Variants in CDH12 observed in about 807,000 individuals in gnomAD.
CDH12 encodes cadherin 12, also known as cadherin-12.
Under a neutral mutation model 74.1 loss-of-function variants are expected in CDH12, and 41 were observed. The ratio of observed to expected loss-of-function variants is 0.55; its 90% CI spans 0.43 to 0.72. CDH12 has a LOEUF of 0.72. CDH12 is among the 30% of genes least tolerant of loss of function. CDH12 has a pLI of 0.00. For missense variants in CDH12, 945 were observed against 977.2 expected, an observed-to-expected ratio of 0.97 and a Z score of 0.44; for synonymous variants, 399 against 355.0, an observed-to-expected ratio of 1.12 and a Z score of -1.39.
intron 4 of CDH12, among the ~76,000 whole-genome samples, chr5:22,140,104 T>C (rs1472745402): frequency 6.6e-6 from 1 of 152,006 alleles, no homozygotes; most frequent in Admixed American, 6.6e-5. Flanking sequence ...AGAAATCCCA[T>C]GTTAGTATCA....
At chr5:22,551,530 A>G (rs1738569629) in intron 1 of CDH12, among the ~76,000 whole-genome samples, 1 of 152,188 alleles carries the variant, frequency 6.6e-6, no homozygotes, top group Non-Finnish European at 1.5e-5. Context: ...AGCTTTCAGT[A>G]TCTCTACAAA....
rs546803797 is a variant in CDH12 at position 22,551,043 on chromosome 5, C to T, written c.-522-45679G>A. On this transcript the variant is annotated intron_variant, in intron 1 of 14. Coordinates refer to ENST00000382254, the MANE Select transcript of CDH12 (RefSeq NM_004061.5). ...TTTTAGAGGTTTGACTTTCTCACCA[C>T]ACAGTACTAGTAATAATAGGATGAT... 2.0e-5 allele frequency among the ~76,000 whole-genome samples: 3 copies of T among 152,266 alleles called. 1 individual carries two copies. The South Asian group carries it at 6.2e-4, about 32-fold the overall frequency.
intron 3 of CDH12, among the ~76,000 whole-genome samples, chr5:22,223,659 C>T (rs1752091814): frequency 6.6e-6 from 1 of 151,868 alleles, no homozygotes; most frequent in Admixed American, 6.6e-5. Flanking sequence ...TAGGATTGGC[C>T]CACCTAAGCC....
In CDH12 at chr5:22,340,002, T is replaced by C. The variant is rs936694043; in HGVS notation, c.-333+65255A>G. ...ATATAAGTACATTTCTATTTTACTA[T>C]CTGTTCAATGGTTTCATTTTAAACA... On this transcript the variant is annotated intron_variant, in intron 3 of 14. Transcript: ENST00000382254. 7.6e-4 allele frequency among the ~76,000 whole-genome samples: 115 copies of C among 152,216 alleles called. 1 individual carries two copies. Among genetic ancestry groups the C allele is most frequent in the African/African-American group, 2.7e-3 (112 of 41,462 alleles).
rs542911420 is a variant in CDH12, at chr5:21,956,482, T to C, written c.526+18609A>G. Among the ~76,000 whole-genome samples the C allele has an allele frequency of 9.9e-5, 15 of 152,162 alleles. No homozygotes were observed. In the South Asian group the frequency reaches 2.9e-3, roughly 29 times the overall value. ...TTCTGGGGTAATCTTTAGACATCAG[T>C]TTTGTCTTTTATATTATTTATTCTG... On this transcript the variant is annotated intron_variant, in intron 6 of 14. Coordinates refer to ENST00000382254, the MANE Select transcript of CDH12 (RefSeq NM_004061.5).
chr5:21,966,172 T>C (rs1756575081), intron 6 of CDH12, among the ~76,000 whole-genome samples: 1 of 151,470 alleles, frequency 6.6e-6, no homozygotes. Context: ...TTTTTTTTTT[T>C]TTTCTTTTGG....
chr5:21,809,228 T>C (rs1747608473), intron 9 of CDH12, among the ~76,000 whole-genome samples: 1 of 152,092 alleles, frequency 6.6e-6, no homozygotes, highest in Admixed American at 6.6e-5. Context: ...ATTTTAGCGG[T>C]AATTTTTGGA....
chr5:22,579,713 A>C (rs1308251036), intron 1 of CDH12, among the ~76,000 whole-genome samples: 1 of 152,190 alleles, frequency 6.6e-6, no homozygotes, highest in East Asian at 1.9e-4. Flanking sequence ...TTAGAGCAGA[A>C]AATAAATTAT....
intron 2 of CDH12, among the ~76,000 whole-genome samples, chr5:22,480,102 C>A (rs79674910): frequency 0.048 from 7,283 of 152,182 alleles, 548 homozygotes; most frequent in African/African-American, 0.16. Context: ...AGAATTTTCT[C>A]ATATTTTTGT....
intron 4 of CDH12, among the ~76,000 whole-genome samples, chr5:22,208,483 C>T (rs1200203942): frequency 6.6e-6 from 1 of 152,218 alleles, no homozygotes; most frequent in East Asian, 1.9e-4. Flanking sequence ...CTACTGGCCT[C>T]ATTACTGCAG....
intron 1 of CDH12, among the ~76,000 whole-genome samples, chr5:22,525,646 A>G (rs1182831109): frequency 1.3e-5 from 2 of 152,042 alleles, no homozygotes; most frequent in South Asian, 4.1e-4. Context: ...CTCATTTCCA[A>G]TTTTTCTCTC....
rs553343059 is a variant in CDH12, at chr5:22,194,883, T to C, written c.-187+17615A>G. ...GTCTTGCCTGGCAGATGGCAGGAGG[T>C]CAGAGAGGGAAACACAAGACTTTTT... On this transcript the variant is annotated intron_variant, in intron 4 of 14. Transcript: ENST00000382254. 2.6e-5 allele frequency among the ~76,000 whole-genome samples: 4 copies of C among 152,050 alleles called. No individual in the cohort carries two copies. The East Asian group carries it at 7.7e-4, about 29-fold the overall frequency.
At chr5:21,884,658 C>G (rs1211034727) in intron 6 of CDH12, among the ~76,000 whole-genome samples, 1 of 152,050 alleles carries the variant, frequency 6.6e-6, no homozygotes. Context: ...TACTTGCCAC[C>G]ACCAGATGAG....
Position 22,749,999 on chromosome 5 carries a change from C to A in CDH12, c.-523+103059G>T, listed in dbSNP as rs557006710. On this transcript the variant is annotated intron_variant, in intron 1 of 14. Coordinates refer to ENST00000382254, the MANE Select transcript of CDH12 (RefSeq NM_004061.5). ...CCTTCATTTACCACCTATTCCTTAACCGTTTAGTCTTGGACATATGGCTCT... is the reference window on the plus strand; with the variant it reads ...CCTTCATTTACCACCTATTCCTTAAACGTTTAGTCTTGGACATATGGCTCT... 3.7e-4 allele frequency among the ~76,000 whole-genome samples: 57 copies of A among 152,278 alleles called. 1 individual carries two copies. The South Asian group carries it at 0.012, about 32-fold the overall frequency.
At chr5:21,962,639 T>C (rs866158757) in intron 6 of CDH12, among the ~76,000 whole-genome samples, 1 of 152,180 alleles carries the variant, frequency 6.6e-6, no homozygotes, top group Non-Finnish European at 1.5e-5. Context: ...TGTTGTCTTC[T>C]TGTAAAGGGG....
chr5:21,937,522 GT>G (rs543671070), intron 6 of CDH12, among the ~76,000 whole-genome samples: 109 of 152,142 alleles, frequency 7.2e-4, no homozygotes, highest in Non-Finnish European at 1.3e-3. Flanking sequence ...ATTGGATGAA[GT>G]TTTCAAGCCA....
At chr5:22,013,770 C>T (rs574405113) in intron 5 of CDH12, among the ~76,000 whole-genome samples, 1 of 152,228 alleles carries the variant, frequency 6.6e-6, no homozygotes, top group Non-Finnish European at 1.5e-5. Context: ...ATATAAATGA[C>T]ATATGGGTTT....
chr5:22,328,859 G>A (rs1162996168), intron 3 of CDH12, among the ~76,000 whole-genome samples: 1 of 152,190 alleles, frequency 6.6e-6, no homozygotes, highest in Non-Finnish European at 1.5e-5. Flanking sequence ...TGAGATGTAG[G>A]ACTTTTTTGC....
intron 1 of CDH12, among the ~76,000 whole-genome samples, chr5:22,835,555 A>G (rs190489072): frequency 6.6e-6 from 1 of 152,282 alleles, no homozygotes; most frequent in East Asian, 1.9e-4. Context: ...AGATGGGTTT[A>G]TTTAGTGATT....
Sources: gnomAD v4.1 joint callset for allele counts (sites outside exome capture counted in the v4.1 genomes callset) on GRCh38, gnomAD v4.1.1 for gene constraint, MANE v1.5 for transcripts, NCBI Gene and HGNC (gene_info 2026-07-23, HGNC 2026-07-21) for gene names.